Variants in UPF2 observed in about 807,000 individuals in gnomAD.
UPF2 encodes UPF2 regulator of nonsense mediated mRNA decay.
A neutral mutation model predicts 141.4 loss-of-function variants in UPF2; 17 were observed. The ratio of observed to expected loss-of-function variants is 0.12; its 90% CI spans 0.08 to 0.18. UPF2 has a LOEUF of 0.18. UPF2 is among the 10% of genes least tolerant of loss of function. The pLI, the probability that UPF2 is intolerant of heterozygous loss-of-function variation, is 1.00. For synonymous variants in UPF2, 540 were observed against 498.0 expected (o/e 1.08, Z -1.12); for missense variants, 1,152 against 1,515.9 (o/e 0.76, Z 3.99).
At position 11,940,023 on chromosome 10, in the gene UPF2, G is replaced by A. The variant is rs532975466; in HGVS notation, c.3378+2642C>T. ...TACTAAGTTTAAGGGCTTGATTTAT[G>A]GAAAAATAATATCTCTAGGATACTG... On this transcript the variant is annotated intron_variant, in intron 18 of 21. Transcript: ENST00000357604. This position sits in a 1 kb window ranked among gnomAD's most constrained non-coding sequence, Gnocchi z 4.2. 6.6e-6 allele frequency among the ~76,000 whole-genome samples: 1 copy of A among 152,212 alleles called. No homozygotes were observed. The highest frequency in any genetic ancestry group is 2.1e-4 in the South Asian group (1 of 4,822).
chr10:12,013,982 C>A, intron 4 of UPF2, 42 bp downstream of exon 4: 1 of 1,442,322 alleles, frequency 6.9e-7, no homozygotes, highest in Non-Finnish European at 9.2e-7. Flanking sequence ...AGTGACAGTG[C>A]TTACAGAAAA....
Position 11,968,131 on chromosome 10 carries a change from A to G in UPF2, c.1954-677T>C, listed in dbSNP as rs529773100. ...GAGGCAGAGGTTGCAGTGAGCCAAG[A>G]TCATGCCACTGCACTCCAGCCTGGG... On this transcript the variant is annotated intron_variant, in intron 9 of 21. Transcript: ENST00000357604. Among the ~76,000 whole-genome samples, 6 of 152,232 alleles carry G rather than the reference A, an allele frequency of 3.9e-5. No homozygotes were observed. The East Asian group carries it at 9.7e-4, about 25-fold the overall frequency.
chr10:11,943,633 C>T (rs1832964304), intron 16 of UPF2, among the ~76,000 whole-genome samples: 1 of 152,214 alleles, frequency 6.6e-6, no homozygotes, highest in Non-Finnish European at 1.5e-5. Flanking sequence ...TTCTCATACA[C>T]TTCATTTTGT....
Position 12,029,285 on chromosome 10 carries a change from A to G in UPF2, c.605T>C (p.Ile202Thr). Residue 202 changes from isoleucine to threonine, a missense_variant, in exon 3 of 22, where the codon ATT (isoleucine) becomes ACT (threonine). Transcript: ENST00000357604. Reference protein sequence around the residue: ...DFNGLNLSKYIAEAVASIVEA... With the variant: ...DFNGLNLSKYTAEAVASIVEA... ...CACGATGGAAGCTACAGCTTCTGCA[A>G]TGTATTTGCTTAAATTTAGGCCATT... is the stretch of plus-strand genomic sequence containing the variant. 6.2e-7 allele frequency: 1 copy of G among 1,614,216 alleles called. No homozygotes were observed. The highest frequency in any genetic ancestry group is 8.5e-7 in the Non-Finnish European group (1 of 1,180,046).
intron 3 of UPF2, among the ~76,000 whole-genome samples, chr10:12,025,289 G>A (rs1011824644): frequency 2.6e-5 from 4 of 152,090 alleles, no homozygotes; most frequent in Admixed American, 6.6e-5. Context: ...GGTGGCTGAC[G>A]CCTGTAATCC....
chr10:12,034,504 A>C (rs1834586437), intron 2 of UPF2, among the ~76,000 whole-genome samples: 1 of 151,862 alleles, frequency 6.6e-6, no homozygotes, highest in South Asian at 2.1e-4. Flanking sequence ...GTATGAAAAA[A>C]AGTCTTTAAA....
chr10:11,957,928 T>A (rs985218891), intron 12 of UPF2, among the ~76,000 whole-genome samples: 2 of 152,232 alleles, frequency 1.3e-5, no homozygotes, highest in Admixed American at 1.3e-4. Context: ...ACTGAGGCTG[T>A]ACGACAACCT....
In UPF2 at chr10:11,979,812, G is replaced by A. The variant is rs1180880590; in HGVS notation, c.1845-647C>T. On this transcript the variant is annotated intron_variant, in intron 8 of 21. Coordinates refer to ENST00000357604, the MANE Select transcript of UPF2 (RefSeq NM_015542.4). The surrounding 1 kb of genome is among the most constrained non-coding windows in gnomAD (Gnocchi z 6.2). Reference sequence around the variant, plus strand: ...CACAGCTACTCGGGAGGCTAAGGCAGGAGAATTGCTTGAACCCAGGAGGTA... The same window carrying A: ...CACAGCTACTCGGGAGGCTAAGGCAAGAGAATTGCTTGAACCCAGGAGGTA... Among the ~76,000 whole-genome samples, 1 of 152,162 alleles carries A rather than the reference G, an allele frequency of 6.6e-6. No individual in the cohort carries two copies. The highest frequency in any genetic ancestry group is 2.4e-5 in the African/African-American group (1 of 41,446).
At chr10:12,006,392 CT>C (rs755494464) in intron 4 of UPF2, among the ~76,000 whole-genome samples, 89 of 152,286 alleles carry the variant, frequency 5.8e-4, no homozygotes, top group Middle Eastern at 3.4e-3. Flanking sequence ...CTTATCTACT[CT>C]CACATACTTC....
At chr10:12,012,077 T>G (rs953205816) in intron 4 of UPF2, among the ~76,000 whole-genome samples, 4 of 132,560 alleles carry the variant, frequency 3.0e-5, no homozygotes, top group African/African-American at 6.1e-5. Context: ...ATGCTAAATG[T>G]TTTTTTTTTT....
chr10:11,975,451 T>C (rs1273982066), intron 9 of UPF2, among the ~76,000 whole-genome samples: 2 of 152,234 alleles, frequency 1.3e-5, no homozygotes, highest in Non-Finnish European at 2.9e-5. Flanking sequence ...TGTCCGTTTA[T>C]TATATGTAAG....
chr10:12,028,186 A>T (rs1399785307), intron 3 of UPF2, among the ~76,000 whole-genome samples: 1 of 152,162 alleles, frequency 6.6e-6, no homozygotes, highest in Non-Finnish European at 1.5e-5. Flanking sequence ...TAGAATTTTA[A>T]ATGAATGCCC....
intron 8 of UPF2, among the ~76,000 whole-genome samples, chr10:11,983,236 C>T (rs142493655): frequency 0.019 from 2,950 of 152,280 alleles, 46 homozygotes; most frequent in Non-Finnish European, 0.032. Flanking sequence ...GCTAATTTAT[C>T]AAATATCTTT....
intron 18 of UPF2, among the ~76,000 whole-genome samples, chr10:11,938,865 T>TTTGTTTG (rs1832894817): frequency 1.1e-5 from 1 of 87,402 alleles, no homozygotes; most frequent in African/African-American, 3.7e-5. Context: ...TTTTTTTTTT[T>TTTGTTTG]TTTTTTTTTT....
In UPF2 at chr10:11,964,748, C is replaced by T. The variant is rs1164575119; in HGVS notation, c.2068-623G>A. 2.0e-5 allele frequency among the ~76,000 whole-genome samples: 3 copies of T among 152,302 alleles called. No homozygotes were observed. The East Asian group carries it at 5.8e-4, about 29-fold the overall frequency. ...TAAAACTTACTTGATTCTTATCCAT[C>T]ACCCCAATTGCCTTCCATTTCTTGC... On this transcript the variant is annotated intron_variant, in intron 10 of 21. Transcript: ENST00000357604.
chr10:11,980,769 T>C lies in UPF2; in HGVS notation c.1845-1604A>G, dbSNP rs1186701564. On this transcript the variant is annotated intron_variant, in intron 8 of 21. Coordinates refer to ENST00000357604, the MANE Select transcript of UPF2 (RefSeq NM_015542.4). The surrounding 1 kb of genome is among the most constrained non-coding windows in gnomAD (Gnocchi z 4.2). ...TATTGCTGAGCACATCACTGTACCA[T>C]ACAATAATATATGAAAATGTTTGAT... Among the ~76,000 whole-genome samples the C allele has an allele frequency of 6.6e-6, 1 of 151,926 alleles. No homozygotes were observed. Among genetic ancestry groups the C allele is most frequent in the Non-Finnish European group, 1.5e-5 (1 of 67,998 alleles).
At position 11,956,302 on chromosome 10, in the gene UPF2, AAAGG is replaced by A. The variant is rs781199325; in HGVS notation, c.2574+14_2574+17del. On this transcript the variant is annotated intron_variant, in intron 13 of 21. Coordinates refer to ENST00000357604, the MANE Select transcript of UPF2 (RefSeq NM_015542.4). This position sits in a 1 kb window ranked among gnomAD's most constrained non-coding sequence, Gnocchi z 4.2. ...CCACGAATTCCAGTTGTGTGACATTAAAGGAAGTCTTGTTTACCTCCATTCCTAA... is the reference window on the plus strand; with the variant it reads ...CCACGAATTCCAGTTGTGTGACATTAAAGTCTTGTTTACCTCCATTCCTAA... The A allele has an allele frequency of 2.5e-6, 4 of 1,610,638 alleles. No homozygotes were observed. The African/African-American group carries it at 5.3e-5, about 21-fold the overall frequency.
chr10:12,031,582 T>C (rs951919993), intron 2 of UPF2, among the ~76,000 whole-genome samples: 5 of 152,150 alleles, frequency 3.3e-5, no homozygotes, highest in Non-Finnish European at 1.5e-5. Flanking sequence ...AAGACCAGAC[T>C]GGGCAACATA....
intron 4 of UPF2, among the ~76,000 whole-genome samples, chr10:12,009,377 G>T (rs184750159): frequency 3.0e-4 from 45 of 152,040 alleles, no homozygotes; most frequent in Middle Eastern, 6.8e-3. Context: ...ATAATTAGAT[G>T]GCACTAATGT....
Sources: allele counts gnomAD v4.1 joint callset (sites outside exome capture counted in the v4.1 genomes callset), GRCh38; gene constraint gnomAD v4.1.1; non-coding constraint Gnocchi (gnomAD v3.1); transcripts MANE v1.5; gene names NCBI Gene and HGNC (gene_info 2026-07-23, HGNC 2026-07-21).